Variants in CREB5 observed in about 807,000 individuals in gnomAD.
CREB5 encodes cAMP responsive element binding protein 5, also known as cyclic AMP-responsive element-binding protein 5.
Under a neutral mutation model 57.1 loss-of-function variants are expected in CREB5, and 19 were observed. That is an observed-to-expected ratio of 0.33 (90% confidence interval 0.23 to 0.49). CREB5 has a LOEUF of 0.49. Among genes scored for constraint, CREB5 ranks in the 20% least tolerant of loss-of-function variants. CREB5 has a pLI of 0.99. For missense variants in CREB5, 579 were observed against 671.6 expected, an observed-to-expected ratio of 0.86 and a Z score of 1.52; for synonymous variants, 238 against 238.3, an observed-to-expected ratio of 1.00 and a Z score of 0.01.
At chr7:28,401,298 T>C (rs1562692594) in intron 1 of CREB5, among the ~76,000 whole-genome samples, 1 of 152,122 alleles carries the variant, frequency 6.6e-6, no homozygotes, top group Non-Finnish European at 1.5e-5. Flanking sequence ...AATAATTCCC[T>C]ATAGAACCAG....
At chr7:28,300,073 T>C (rs1302934143) in intron 1 of CREB5, among the ~76,000 whole-genome samples, 13 of 131,750 alleles carry the variant, frequency 9.9e-5, no homozygotes, top group Non-Finnish European at 7.2e-5. Flanking sequence ...TTTATTTATT[T>C]ATTTATTTAT....
intron 5 of CREB5, among the ~76,000 whole-genome samples, chr7:28,708,172 C>T (rs757845257): frequency 5.3e-4 from 80 of 152,254 alleles, no homozygotes; most frequent in African/African-American, 1.9e-3. Flanking sequence ...AGGCAATGCC[C>T]CTTTCCTTGT....
intron 7 of CREB5, among the ~76,000 whole-genome samples, chr7:28,734,623 A>T (rs1803868272): frequency 6.6e-6 from 1 of 152,176 alleles, no homozygotes; most frequent in African/African-American, 2.4e-5. Flanking sequence ...TCTGAAACTA[A>T]TTACATCTTT....
chr7:28,647,758 G>A (rs952121205), intron 5 of CREB5, among the ~76,000 whole-genome samples: 15 of 152,112 alleles, frequency 9.9e-5, no homozygotes, highest in African/African-American at 3.6e-4. Context: ...GTGCAACTGA[G>A]GAACGGAATT....
chr7:28,735,111 T>TG lies in CREB5; in HGVS notation c.702+10779_702+10780insG, dbSNP rs1803899375. ...TAAAATACACTTAATCGTTTTGGTT[T>TG]TTTTTGTTTTTTTGTGTGTGGATTT... On this transcript the variant is annotated intron_variant, in intron 7 of 10. Transcript: ENST00000357727. 3.3e-5 allele frequency among the ~76,000 whole-genome samples: 5 copies of TG among 152,216 alleles called. 1 individual carries two copies. Among genetic ancestry groups the TG allele is most frequent in the African/African-American group, 1.2e-4 (5 of 41,482 alleles).
chr7:28,557,288 C>T (rs1261003295), intron 4 of CREB5, among the ~76,000 whole-genome samples: 3 of 151,952 alleles, frequency 2.0e-5, no homozygotes, highest in Non-Finnish European at 4.4e-5. Flanking sequence ...TGGAATCTCA[C>T]GGTACAATGA....
At chr7:28,523,738 C>T (rs1054418374) in intron 4 of CREB5, among the ~76,000 whole-genome samples, 23 of 152,186 alleles carry the variant, frequency 1.5e-4, no homozygotes, top group Non-Finnish European at 3.4e-4. Context: ...GGTCTTCTTC[C>T]CTCATCTTTG....
At chr7:28,583,524 CAA>C (rs960573695) in intron 5 of CREB5, among the ~76,000 whole-genome samples, 11 of 152,244 alleles carry the variant, frequency 7.2e-5, no homozygotes, top group African/African-American at 2.6e-4. Context: ...ACAACAATAA[CAA>C]AGGAAGTTGT....
At chr7:28,386,916 T>C (rs1484977337) in intron 1 of CREB5, among the ~76,000 whole-genome samples, 2 of 152,232 alleles carry the variant, frequency 1.3e-5, no homozygotes, top group Admixed American at 6.5e-5. Context: ...CTTGTTTCTT[T>C]TTATGGCTGC....
intron 7 of CREB5, among the ~76,000 whole-genome samples, chr7:28,796,916 GCA>G: frequency 6.6e-6 from 1 of 152,250 alleles, no homozygotes; most frequent in East Asian, 1.9e-4. Context: ...CTGCTGAAAT[GCA>G]CAGTCTCTTA....
At chr7:28,660,261 G>A (rs1460878994) in intron 5 of CREB5, among the ~76,000 whole-genome samples, 1 of 151,982 alleles carries the variant, frequency 6.6e-6, no homozygotes, top group Non-Finnish European at 1.5e-5. Flanking sequence ...GGCCTCAAAT[G>A]TCTTATCAGC....
intron 4 of CREB5, among the ~76,000 whole-genome samples, chr7:28,516,197 G>A (rs1792943661): frequency 6.6e-6 from 1 of 152,016 alleles, no homozygotes; most frequent in African/African-American, 2.4e-5. Flanking sequence ...GAGTGACAGA[G>A]CGACACCTTG....
chr7:28,633,253 G>C (rs1798273484), intron 5 of CREB5, among the ~76,000 whole-genome samples: 1 of 152,254 alleles, frequency 6.6e-6, no homozygotes, highest in African/African-American at 2.4e-5. Flanking sequence ...CACTCTATGG[G>C]ATGCGTTTTT....
intron 7 of CREB5, among the ~76,000 whole-genome samples, chr7:28,784,694 G>A (rs1427921850): frequency 6.6e-6 from 1 of 152,132 alleles, no homozygotes; most frequent in Non-Finnish European, 1.5e-5. Flanking sequence ...ATATGAGCCT[G>A]TGGTTTAAGC....
At chr7:28,679,854 C>T (rs1403372721) in intron 5 of CREB5, among the ~76,000 whole-genome samples, 1 of 152,206 alleles carries the variant, frequency 6.6e-6, no homozygotes, top group African/African-American at 2.4e-5. Context: ...TCTCAGCTCA[C>T]AGTGGCTAAT....
At chr7:28,445,830 C>T (rs368413453) in intron 1 of CREB5, among the ~76,000 whole-genome samples, 1 of 152,032 alleles carries the variant, frequency 6.6e-6, no homozygotes, top group Admixed American at 6.5e-5. Context: ...GGATTACAGG[C>T]GTGAGCCACT....
intron 2 of CREB5, among the ~76,000 whole-genome samples, chr7:28,489,526 C>T (rs910833551): frequency 1.3e-5 from 2 of 152,028 alleles, no homozygotes; most frequent in Non-Finnish European, 2.9e-5. Flanking sequence ...TGGTCTCGAT[C>T]TCCTGACCTC....
intron 1 of CREB5, among the ~76,000 whole-genome samples, chr7:28,329,696 G>C (rs1040306422): frequency 6.6e-6 from 1 of 152,174 alleles, no homozygotes; most frequent in Non-Finnish European, 1.5e-5. Context: ...AGCCATGAAA[G>C]GGTTCAGCTC....
chr7:28,512,555 G>C (rs1024052768), intron 4 of CREB5, among the ~76,000 whole-genome samples: 4 of 151,128 alleles, frequency 2.6e-5, no homozygotes, highest in African/African-American at 9.7e-5. Context: ...AAAAAAAGAG[G>C]TGTGTGAATT....
Sources: gnomAD v4.1 joint callset for allele counts (sites outside exome capture counted in the v4.1 genomes callset) on GRCh38, gnomAD v4.1.1 for gene constraint, MANE v1.5 for transcripts, NCBI Gene and HGNC (gene_info 2026-07-23, HGNC 2026-07-21) for gene names.